FBXO47: variants seen among roughly 807,000 people sequenced by gnomAD.
FBXO47 encodes the protein F-box only protein 47.
A neutral mutation model predicts 53.9 loss-of-function variants in FBXO47; 34 were observed. The ratio of observed to expected loss-of-function variants is 0.63; its 90% confidence interval spans 0.48 to 0.84. The LOEUF (loss-of-function observed/expected upper bound fraction) is 0.84. Among genes scored for constraint, FBXO47 ranks in the 40% least tolerant of loss-of-function variants. The pLI is 0.00. For missense variants in FBXO47, 485 were observed against 541.3 expected (o/e 0.90, Z 1.03); for synonymous variants, 165 against 181.6 (o/e 0.91, Z 0.73).
chr17:38,949,471 AACAAAACCATTCATGC>A, intron 6 of FBXO47, among the ~76,000 whole-genome samples: 1 of 152,088 alleles, frequency 6.6e-6, no homozygotes, highest in South Asian at 2.1e-4. Context: ...CAACAACAAC[AACAAAACCATTCATGC>A]ACAAGTTTCT....
At position 38,943,690 on chromosome 17, in the gene FBXO47, GA is replaced by G; in HGVS notation, c.839del (p.Phe280SerfsTer3). 1.2e-6 allele frequency: 2 copies of G among 1,610,692 alleles called. No individual in the cohort carries two copies. The highest frequency in any genetic ancestry group is 4.5e-5 in the East Asian group (2 of 44,768). On this transcript the variant is annotated frameshift_variant, in exon 8 of 11. Coordinates refer to ENST00000378079, the MANE Select transcript of FBXO47 (RefSeq NM_001008777.3). LOFTEE classifies it high-confidence loss of function. Reference protein sequence around the residue: ...QEMIEEPTDEFSLKGLADAIK... With the variant: ...QEMIEEPTDEXSLKGLADAIK... ...TGGCATCAGCCAAACCTTTCAGACT[GA>G]ATTCATCTGTAGGTTCTTCTATCAT...
At chr17:38,959,435 T>G (rs6503738) in intron 3 of FBXO47, among the ~76,000 whole-genome samples, 2 of 151,334 alleles carry the variant, frequency 1.3e-5, no homozygotes, top group Non-Finnish European at 2.9e-5. Flanking sequence ...CAAAAATTAG[T>G]TAGACATGGT....
At position 38,946,595 on chromosome 17, in the gene FBXO47, A is replaced by AATATATGAATATATATAACTATATAAAT. The variant is rs1555560826; in HGVS notation, c.617-1487_617-1460dup. Among the ~76,000 whole-genome samples, 12 of 74,604 alleles carry AATATATGAATATATATAACTATATAAAT rather than the reference A, an allele frequency of 1.6e-4. 1 individual carries two copies. The highest frequency in any genetic ancestry group is 2.4e-4 in the African/African-American group (4 of 16,656). 48.9% of individuals were successfully genotyped at this position (74,604 alleles called of 152,430 possible). On this transcript the variant is annotated intron_variant, in intron 6 of 10. Coordinates refer to ENST00000378079, the MANE Select transcript of FBXO47 (RefSeq NM_001008777.3). The stretch of plus-strand genomic sequence containing the variant: ...ATATATATGAATATATAACTATATA[A>AATATATGAATATATATAACTATATAAAT]ATATATGAATATATATAACTATATA...
chr17:38,942,251 G>T (rs1904544801), intron 9 of FBXO47, among the ~76,000 whole-genome samples: 1 of 152,042 alleles, frequency 6.6e-6, no homozygotes, highest in Non-Finnish European at 1.5e-5. Context: ...GACTTGAAGT[G>T]GGGAGAAGTT....
intron 4 of FBXO47, 60 bp from the exon 5 acceptor site, chr17:38,954,993 G>A: frequency 8.0e-7 from 1 of 1,250,364 alleles, no homozygotes; most frequent in Non-Finnish European, 1.1e-6. Flanking sequence ...GACAATGGTG[G>A]AACAATGGTT....
chr17:38,944,385 G>A (rs142966374), intron 7 of FBXO47, among the ~76,000 whole-genome samples: 1,974 of 151,488 alleles, frequency 0.013, 51 homozygotes, highest in African/African-American at 0.046. Context: ...TGGATAACAC[G>A]GTGAAACCCC....
In FBXO47 at chr17:38,963,042, C is replaced by T. The variant is rs8065507; in HGVS notation, c.-17G>A. On this transcript the variant is annotated 5_prime_UTR_variant, in exon 2 of 11. In the 5' UTR this introduces an upstream ATG that the reference lacks. Transcript: ENST00000378079. ...GGATGCCATTCTTCTTCTTGTCTCA[C>T]AAATTTATCCTGGTCAGAAAAACAA... 15,406 of 1,582,024 alleles carry T rather than the reference C, an allele frequency of 9.7e-3. 659 individuals carry two copies. The African/African-American group carries it at 0.1, about 10-fold the overall frequency.
intron 9 of FBXO47, among the ~76,000 whole-genome samples, chr17:38,941,181 TA>T (rs1333744429): frequency 1.3e-5 from 2 of 151,520 alleles, no homozygotes; most frequent in African/African-American, 4.9e-5. Flanking sequence ...TTTATTTATT[TA>T]TTTTTTTGAG....
intron 7 of FBXO47, 112 bp downstream of exon 7, chr17:38,944,848 A>ATGCGTGTGTGTGTGTGTGTG (rs150367922): frequency 3.4e-5 from 21 of 616,814 alleles, no homozygotes; most frequent in Non-Finnish European, 5.4e-5. Context: ...GCGTGCATGC[A>ATGCGTGTGTGTGTGTGTGTG]TGTGTGTGTG....
At chr17:38,953,167 A>ACACAC (rs1567719879) in intron 5 of FBXO47, among the ~76,000 whole-genome samples, 7 of 139,722 alleles carry the variant, frequency 5.0e-5, no homozygotes, top group Admixed American at 1.4e-4. Context: ...ACACACACAC[A>ACACAC]AAATAGCTAG....
intron 9 of FBXO47, among the ~76,000 whole-genome samples, chr17:38,941,618 TATTATATATATATATA>T (rs1904509493): frequency 6.6e-5 from 4 of 60,204 alleles, no homozygotes; most frequent in South Asian, 1.7e-3. Flanking sequence ...ATAAATATAA[TATTATATATATATATA>T]TATATATATA....
chr17:38,945,798 T>G (rs887220895), intron 6 of FBXO47, among the ~76,000 whole-genome samples: 1 of 150,158 alleles, frequency 6.7e-6, no homozygotes, highest in Non-Finnish European at 1.5e-5. Context: ...AAGCCGGGAG[T>G]GATGGCGGGC....
chr17:38,956,001 T>C (rs1735402798), intron 4 of FBXO47, among the ~76,000 whole-genome samples: 1 of 133,188 alleles, frequency 7.5e-6, no homozygotes, highest in Admixed American at 8.1e-5. Context: ...CCGAGTGTGG[T>C]GGCACACGCC....
At chr17:38,959,316 C>G (rs1054463824) in intron 3 of FBXO47, among the ~76,000 whole-genome samples, 2 of 151,850 alleles carry the variant, frequency 1.3e-5, no homozygotes, top group African/African-American at 4.8e-5. Context: ...AGTACGGTGG[C>G]TCACTCCTGT....
chr17:38,939,317 AAAAAAAATAT>A (rs1367012964), intron 9 of FBXO47, among the ~76,000 whole-genome samples: 1 of 108,352 alleles, frequency 9.2e-6, no homozygotes, highest in African/African-American at 3.7e-5. Flanking sequence ...AAAAAAAAAA[AAAAAAAATAT>A]ATATATATAT....
intron 6 of FBXO47, among the ~76,000 whole-genome samples, chr17:38,948,994 T>A (rs890033760): frequency 2.0e-5 from 3 of 152,076 alleles, no homozygotes; most frequent in Admixed American, 6.6e-5. Flanking sequence ...CCACAGCACT[T>A]CATTCTTTTT....
At chr17:38,937,763 G>A (rs556896173) in intron 10 of FBXO47, among the ~76,000 whole-genome samples, 71 of 152,034 alleles carry the variant, frequency 4.7e-4, no homozygotes, top group African/African-American at 1.6e-3. Flanking sequence ...CACCTCCTGG[G>A]TTCAAGCGAT....
chr17:38,952,346 C>T (rs1165609252), intron 5 of FBXO47, among the ~76,000 whole-genome samples: 1 of 151,984 alleles, frequency 6.6e-6, no homozygotes, highest in African/African-American at 2.4e-5. Context: ...ACAAAAACAA[C>T]ACAAGTCACT....
chr17:38,954,801 A>T, intron 5 of FBXO47, 55 bp downstream of exon 5: 1 of 993,308 alleles, frequency 1.0e-6, no homozygotes, highest in Non-Finnish European at 1.5e-6. Flanking sequence ...TGGATATTCT[A>T]TTTGTTATCA....
Sources: allele counts gnomAD v4.1 joint callset (sites outside exome capture counted in the v4.1 genomes callset), GRCh38; gene constraint gnomAD v4.1.1; transcripts MANE v1.5; gene names NCBI Gene and HGNC (gene_info 2026-07-23, HGNC 2026-07-21).